Variants in MUSK observed in about 807,000 individuals in gnomAD.
MUSK encodes muscle associated receptor tyrosine kinase.
Under a neutral mutation model 88.7 loss-of-function variants are expected in MUSK, and 55 were observed. That is an observed-to-expected ratio of 0.62 (90% CI 0.50 to 0.78). MUSK has a LOEUF of 0.78. MUSK is among the 30% of genes least tolerant of loss of function. MUSK has a pLI of 0.00. For missense variants in MUSK, 1,015 were observed against 1,074.3 expected, an observed-to-expected ratio of 0.94 and a Z score of 0.77; for synonymous variants, 387 against 391.9, an observed-to-expected ratio of 0.99 and a Z score of 0.15.
At chr9:110,701,523 G>C (rs1335336020) in intron 5 of MUSK, among the ~76,000 whole-genome samples, 1 of 151,738 alleles carries the variant, frequency 6.6e-6, no homozygotes, top group Non-Finnish European at 1.5e-5. Context: ...GTCTCACTCT[G>C]TTGCTCAGGC....
At chr9:110,753,105 G>T (rs983939317) in intron 7 of MUSK, among the ~76,000 whole-genome samples, 15 of 152,090 alleles carry the variant, frequency 9.9e-5, no homozygotes, top group Non-Finnish European at 1.5e-5. Context: ...AAAACAGCCG[G>T]AGACCATGAA....
intron 9 of MUSK, among the ~76,000 whole-genome samples, chr9:110,773,834 T>C (rs999062874): frequency 6.6e-6 from 1 of 152,192 alleles, no homozygotes; most frequent in Admixed American, 6.5e-5. Flanking sequence ...CTGACTTTTG[T>C]TCCTTTGTAA....
chr9:110,781,981 G>C (rs1273617237), intron 11 of MUSK, among the ~76,000 whole-genome samples: 1 of 152,164 alleles, frequency 6.6e-6, no homozygotes, highest in Non-Finnish European at 1.5e-5. Flanking sequence ...CTAAACCTGA[G>C]TTAGTGCCAG....
intron 11 of MUSK, among the ~76,000 whole-genome samples, chr9:110,779,951 A>G (rs908065675): frequency 6.6e-6 from 1 of 152,046 alleles, no homozygotes; most frequent in Admixed American, 6.5e-5. Context: ...TTAGCTTTAA[A>G]TTTCTAGTAT....
At chr9:110,726,696 T>C (rs927744379) in intron 5 of MUSK, among the ~76,000 whole-genome samples, 5 of 152,114 alleles carry the variant, frequency 3.3e-5, no homozygotes, top group African/African-American at 1.2e-4. Flanking sequence ...CCAACCACTC[T>C]AAGTTACTTG....
chr9:110,786,880 G>A (rs1207828338), intron 13 of MUSK, among the ~76,000 whole-genome samples: 2 of 152,068 alleles, frequency 1.3e-5, no homozygotes, highest in Non-Finnish European at 2.9e-5. Flanking sequence ...GTGCTCTTGG[G>A]CAAGACACAA....
chr9:110,689,534 A>ATATATAGTT lies in MUSK; in HGVS notation c.358+2266_358+2267insTATATAGTT, dbSNP rs1554735085. Among the ~76,000 whole-genome samples, 34 of 102,220 alleles carry ATATATAGTT rather than the reference A, an allele frequency of 3.3e-4. 2 individuals carry two copies. The highest frequency in any genetic ancestry group is 1.5e-3 in the African/African-American group (34 of 22,544). The allele number at this position is 102,220 out of a possible 152,430, so 67.1% of individuals were successfully genotyped here. ...ATATAAATATATACAACTATATATA[A>ATATATAGTT]ATATATAGTTATATATATTTATATA... On this transcript the variant is annotated intron_variant, in intron 3 of 14. Coordinates refer to ENST00000374448, the MANE Select transcript of MUSK (RefSeq NM_005592.4).
At chr9:110,674,736 C>A (rs1332438094) in intron 1 of MUSK, among the ~76,000 whole-genome samples, 1 of 151,840 alleles carries the variant, frequency 6.6e-6, no homozygotes, top group Non-Finnish European at 1.5e-5. Context: ...AGCTTCTTCC[C>A]AAGTAGCTGG....
intron 1 of MUSK, among the ~76,000 whole-genome samples, chr9:110,681,726 C>CA (rs1371344421): frequency 2.0e-5 from 3 of 151,512 alleles, no homozygotes; most frequent in Non-Finnish European, 4.4e-5. Context: ...TTGACTTTAC[C>CA]AAAAAATAAT....
In MUSK at chr9:110,682,820, AT is replaced by A. The variant is rs753376480; in HGVS notation, c.206+27del. On this transcript the variant is annotated intron_variant, in intron 2 of 14. Transcript: ENST00000374448. ...CATTAAGTAAGTATTCCACATTTTAATTTTTTTAAATTTTTGTGGGTATATA... is the reference window on the plus strand; with the variant it reads ...CATTAAGTAAGTATTCCACATTTTAATTTTTTAAATTTTTGTGGGTATATA... 4 of 1,584,374 alleles carry A rather than the reference AT, an allele frequency of 2.5e-6. No individual in the cohort carries two copies. The South Asian group carries it at 3.4e-5, about 13-fold the overall frequency.
chr9:110,742,598 G>T (rs2077117186), intron 6 of MUSK, among the ~76,000 whole-genome samples: 1 of 152,194 alleles, frequency 6.6e-6, no homozygotes, highest in African/African-American at 2.4e-5. Context: ...GGTTATAAAT[G>T]GAAGATAAAT....
rs139117184 is a variant in MUSK at position 110,719,435 on chromosome 9, G to A, written c.629-14816G>A. ...CAGACACCAAAAGCGAGCAGGAGTC[G>A]CTATTCTTATATCAGACAAAACAAA... On this transcript the variant is annotated intron_variant, in intron 5 of 14. Coordinates refer to ENST00000374448, the MANE Select transcript of MUSK (RefSeq NM_005592.4). Among the ~76,000 whole-genome samples, 334 of 152,016 alleles carry A rather than the reference G, an allele frequency of 2.2e-3. 3 individuals are homozygous for A. The highest frequency in any genetic ancestry group is 0.017 in the Middle Eastern group (5 of 294).
chr9:110,756,617 T>G (rs531273471), intron 7 of MUSK, among the ~76,000 whole-genome samples: 1 of 152,086 alleles, frequency 6.6e-6, no homozygotes, highest in African/African-American at 2.4e-5. Flanking sequence ...AGTTGAAAAA[T>G]GACTCCATGA....
intron 7 of MUSK, 148 bp downstream of exon 7, chr9:110,747,948 C>A: frequency 9.3e-7 from 1 of 1,079,446 alleles, no homozygotes; most frequent in Non-Finnish European, 1.4e-6. Flanking sequence ...GGGGATACTC[C>A]GGAGGTGACC....
chr9:110,764,603 T>TAGATTAGA (rs143325894), intron 8 of MUSK, among the ~76,000 whole-genome samples: 96 of 149,118 alleles, frequency 6.4e-4, no homozygotes, highest in Middle Eastern at 3.5e-3. Context: ...GATAGATAGA[T>TAGATTAGA]TAGATAGATA....
intron 5 of MUSK, among the ~76,000 whole-genome samples, chr9:110,723,234 TACACACACACACAC>T (rs143582345): frequency 1.4e-5 from 2 of 146,670 alleles, no homozygotes; most frequent in African/African-American, 2.5e-5. Context: ...TACATATACA[TACACACACACACAC>T]ACACACACAC....
intron 3 of MUSK, among the ~76,000 whole-genome samples, chr9:110,688,638 C>T (rs1352995106): frequency 6.6e-6 from 1 of 151,324 alleles, no homozygotes; most frequent in Non-Finnish European, 1.5e-5. Flanking sequence ...CCCGACAGGC[C>T]CCGTGTGTGC....
chr9:110,755,448 T>C (rs1320182820), intron 7 of MUSK, among the ~76,000 whole-genome samples: 1 of 152,110 alleles, frequency 6.6e-6, no homozygotes, highest in African/African-American at 2.4e-5. Context: ...ACCTGACAGG[T>C]ACACAGAGAA....
chr9:110,783,855 A>T (rs1025861983), intron 11 of MUSK, among the ~76,000 whole-genome samples: 1 of 152,022 alleles, frequency 6.6e-6, no homozygotes, highest in African/African-American at 2.4e-5. Context: ...TGGCTAAATA[A>T]AATACACACT....
Sources: allele counts gnomAD v4.1 joint callset (sites outside exome capture counted in the v4.1 genomes callset), GRCh38; gene constraint gnomAD v4.1.1; transcripts MANE v1.5; gene names NCBI Gene and HGNC (gene_info 2026-07-23, HGNC 2026-07-21).